Variants in COL5A2 observed in about 807,000 individuals in gnomAD.
COL5A2 encodes the protein collagen alpha-2(V) chain.
A neutral mutation model predicts 208.2 loss-of-function variants in COL5A2; 23 were observed. The ratio of observed to expected loss-of-function variants is 0.11; its 90% CI spans 0.08 to 0.16. The LOEUF (loss-of-function observed/expected upper bound fraction) is 0.16, where lower values mean the gene tolerates loss of function less well. Ranked by LOEUF, COL5A2 falls within the 10% of genes least tolerant of loss-of-function variation. The pLI, the probability that COL5A2 is intolerant of heterozygous loss-of-function variation, is 1.00. For synonymous variants in COL5A2, 625 were observed against 628.5 expected, an observed-to-expected ratio of 0.99 and a Z score of 0.08; for missense variants, 1,590 against 1,956.4, an observed-to-expected ratio of 0.81 and a Z score of 3.53.
At chr2:189,434,051 C>T in the COL5A2 span, among the ~76,000 whole-genome samples, 1 of 152,252 alleles carries the variant, frequency 6.6e-6, no homozygotes, top group South Asian at 2.1e-4. Flanking sequence ...TAAACTTAAT[C>T]CATCACATAA....
chr2:189,116,062 T>A (rs991115522), intron 1 of COL5A2, among the ~76,000 whole-genome samples: 1 of 152,178 alleles, frequency 6.6e-6, no homozygotes, highest in Non-Finnish European at 1.5e-5. Flanking sequence ...CCTTCAGCCT[T>A]CCTGACCCAG....
chr2:189,164,475 T>C (rs1688428582), intron 1 of COL5A2, among the ~76,000 whole-genome samples: 1 of 152,086 alleles, frequency 6.6e-6, no homozygotes, highest in South Asian at 2.1e-4. Flanking sequence ...AAGCAGTCTA[T>C]TTTATTTTGC....
rs1685400066 is a variant in COL5A2 at position 189,034,369 on chromosome 2, G to C, written c.4354-153C>G. On this transcript the variant is annotated intron_variant, in intron 53 of 53. Transcript: ENST00000374866. ...AATGAAAACATAAAGTGAAATATTA[G>C]TGTACTTATGTAACAGAATTTCTTT... is the stretch of plus-strand genomic sequence containing the variant. 2.6e-5 allele frequency among the ~76,000 whole-genome samples: 4 copies of C among 152,094 alleles called. No homozygotes were observed. In the South Asian group the frequency reaches 8.3e-4, roughly 31 times the overall value.
rs749507970 is a variant in COL5A2 at position 189,079,128 on chromosome 2, A to C, written c.961-21T>G. ...TCACCCTAAAAAAAAATGAGAATAC[A>C]TTACAGTATGAGAAGCCTACAACCG... On this transcript the variant is annotated intron_variant, in intron 14 of 53. Coordinates refer to ENST00000374866, the MANE Select transcript of COL5A2 (RefSeq NM_000393.5). The C allele has an allele frequency of 3.1e-6, 5 of 1,601,342 alleles. No individual in the cohort carries two copies. In the South Asian group the frequency reaches 5.5e-5, roughly 18 times the overall value.
the COL5A2 span, among the ~76,000 whole-genome samples, chr2:189,431,936 G>A: frequency 6.6e-6 from 1 of 152,286 alleles, no homozygotes; most frequent in Non-Finnish European, 1.5e-5. Context: ...AATGTTAAGT[G>A]CAGTCAGAGA....
chr2:189,040,712 T>C (rs28384143), intron 50 of COL5A2, among the ~76,000 whole-genome samples: 14,534 of 152,220 alleles, frequency 0.095, 721 homozygotes, highest in South Asian at 0.15. Context: ...CGTTCCTTTA[T>C]ACTAATTTTA....
rs1487147556 is a variant in COL5A2 at position 189,063,033 on chromosome 2, T to G, written c.1900A>C (p.Asn634His). The G allele has an allele frequency of 2.5e-6, 4 of 1,614,108 alleles. No individual in the cohort carries two copies. The highest frequency in any genetic ancestry group is 1.3e-5 in the African/African-American group (1 of 74,950). The stretch of plus-strand genomic sequence containing the variant: ...ACCCTCTGCCCAGGAACTCCAGCAT[T>G]TCCTGCTTCTCCAGGTTTCCCAGGG... ...GDPGKPGEAG[N>H]AGVPGQRGAP... Residue 634 changes from asparagine to histidine, a missense_variant, in exon 28 of 54, where the codon AAT becomes CAT. Asn to His is a moderately conservative substitution (Grantham distance 68, BLOSUM62 1). Coordinates refer to ENST00000374866, the MANE Select transcript of COL5A2 (RefSeq NM_000393.5).
chr2:189,246,090 T>C, the COL5A2 span, among the ~76,000 whole-genome samples: 1 of 152,330 alleles, frequency 6.6e-6, no homozygotes, highest in East Asian at 1.9e-4. Flanking sequence ...AGAAATACGT[T>C]ATTTTATCTC....
intron 1 of COL5A2, among the ~76,000 whole-genome samples, chr2:189,209,704 GA>G (rs1428125897): frequency 6.6e-6 from 1 of 152,220 alleles, no homozygotes; most frequent in East Asian, 1.9e-4. Context: ...TGGAGAGGGA[GA>G]AGTCAGAAAA....
intron 1 of COL5A2, among the ~76,000 whole-genome samples, chr2:189,216,208 T>G (rs1689276257): frequency 6.6e-6 from 1 of 152,190 alleles, no homozygotes; most frequent in African/African-American, 2.4e-5. Context: ...ATAATATTTT[T>G]CTTCTCATGA....
chr2:189,138,743 T>A (rs1335440482), intron 1 of COL5A2, among the ~76,000 whole-genome samples: 1 of 152,128 alleles, frequency 6.6e-6, no homozygotes, highest in African/African-American at 2.4e-5. Flanking sequence ...GCCCACATGA[T>A]GGGGATATAT....
chr2:189,084,403 A>G (rs1686605350), intron 11 of COL5A2, among the ~76,000 whole-genome samples: 1 of 152,198 alleles, frequency 6.6e-6, no homozygotes, highest in Non-Finnish European at 1.5e-5. Flanking sequence ...ACTGAATTAA[A>G]GTATTGCTTC....
At chr2:189,421,965 C>T in the COL5A2 span, among the ~76,000 whole-genome samples, 142 of 152,242 alleles carry the variant, frequency 9.3e-4, no homozygotes, top group Middle Eastern at 3.4e-3. Context: ...GCAATGGCCA[C>T]GGTGGTCCCA....
At chr2:189,292,732 G>A in the COL5A2 span, among the ~76,000 whole-genome samples, 1 of 152,136 alleles carries the variant, frequency 6.6e-6, no homozygotes, top group Non-Finnish European at 1.5e-5. Flanking sequence ...AATACCATTT[G>A]ACCCAGCCAT....
At chr2:189,319,206 G>A in the COL5A2 span, among the ~76,000 whole-genome samples, 4 of 152,232 alleles carry the variant, frequency 2.6e-5, no homozygotes, top group African/African-American at 7.2e-5. Flanking sequence ...TGGCCGAATA[G>A]GAACAGCTCC....
chr2:189,382,357 C>CA, the COL5A2 span, among the ~76,000 whole-genome samples: 1 of 150,982 alleles, frequency 6.6e-6, no homozygotes, highest in Non-Finnish European at 1.5e-5. Flanking sequence ...GACCTTGTCT[C>CA]AAAAAATAAA....
intron 42 of COL5A2, 98 bp from the exon 43 acceptor site, chr2:189,050,774 T>C: frequency 9.8e-7 from 1 of 1,023,650 alleles, no homozygotes; most frequent in Non-Finnish European, 1.5e-6. Flanking sequence ...GGTTTTTCAG[T>C]ATGAAAAAGA....
intron 1 of COL5A2, among the ~76,000 whole-genome samples, chr2:189,197,465 T>G (rs1300465008): frequency 6.6e-6 from 1 of 151,882 alleles, no homozygotes; most frequent in African/African-American, 2.4e-5. Flanking sequence ...AATTAATTAA[T>G]TAATTAAAAA....
chr2:189,345,865 A>T, the COL5A2 span, among the ~76,000 whole-genome samples: 3 of 152,184 alleles, frequency 2.0e-5, no homozygotes, highest in African/African-American at 7.2e-5. Flanking sequence ...AGTCAAAATG[A>T]CATTAATACA....
Sources: gnomAD v4.1 joint callset for allele counts (sites outside exome capture counted in the v4.1 genomes callset) on GRCh38, gnomAD v4.1.1 for gene constraint, MANE v1.5 for transcripts, NCBI Gene and HGNC (gene_info 2026-07-23, HGNC 2026-07-21) for gene names.